The following SCRG1 variants were observed in gnomAD, a reference collection of about 807,000 sequenced individuals.
SCRG1 encodes scrapie-responsive protein 1.
Under a neutral mutation model 7.7 loss-of-function variants are expected in SCRG1, and 3 were observed. That is an observed-to-expected ratio of 0.39 (90% CI 0.18 to 1.01). SCRG1 has a LOEUF of 1.01. Ranked by LOEUF, SCRG1 falls within the 50% of genes least tolerant of loss-of-function variation. The pLI, the probability that SCRG1 is intolerant of heterozygous loss-of-function variation, is 0.36. For missense variants in SCRG1, 110 were observed against 117.2 expected (o/e 0.94, Z 0.28); for synonymous variants, 46 against 41.2 (o/e 1.12, Z -0.44).
rs1194796482 is a variant in SCRG1 at position 173,387,657 on chromosome 4, T to A, written c.*684A>T. 1 of 151,352 alleles carries A rather than the reference T, an allele frequency of 6.6e-6. No individual in the cohort carries two copies. The highest frequency in any genetic ancestry group is 1.5e-5 in the Non-Finnish European group (1 of 67,914). 9.4% of individuals were successfully genotyped at this position (151,352 alleles called of 1,614,324 possible). ...CACCAGTCCCAGCCTGAAATGTACTTAAAGTTATTAGCATACATAATATAC... is the reference window on the plus strand; with the variant it reads ...CACCAGTCCCAGCCTGAAATGTACTAAAAGTTATTAGCATACATAATATAC... On this transcript the variant is annotated 3_prime_UTR_variant, in exon 3 of 3. Transcript: ENST00000296506.
chr4:173,497,506 C>T, the SCRG1 span, among the ~76,000 whole-genome samples: 1 of 151,948 alleles, frequency 6.6e-6, no homozygotes, highest in African/African-American at 2.4e-5. Flanking sequence ...CTTTGGATTC[C>T]AGCCAGACAG....
At chr4:173,434,171 G>A in the SCRG1 span, among the ~76,000 whole-genome samples, 118 of 152,286 alleles carry the variant, frequency 7.7e-4, no homozygotes, top group Non-Finnish European at 1.1e-3. Context: ...GAGAAGCCTT[G>A]AATTCTTTCC....
At chr4:173,464,458 T>C in the SCRG1 span, among the ~76,000 whole-genome samples, 5 of 152,308 alleles carry the variant, frequency 3.3e-5, no homozygotes, top group Admixed American at 1.3e-4. Flanking sequence ...AACATTGTGG[T>C]TGTAAAGAAA....
chr4:173,508,879 T>C, the SCRG1 span, among the ~76,000 whole-genome samples: 1 of 152,164 alleles, frequency 6.6e-6, no homozygotes, highest in Admixed American at 6.5e-5. The surrounding 1 kb of genome is among the most constrained non-coding windows in gnomAD (Gnocchi z 4.4). Context: ...GCTACATTTG[T>C]TGGGCGGCTT....
chr4:173,397,208 T>C (rs921606936), intron 1 of SCRG1, among the ~76,000 whole-genome samples: 1 of 152,240 alleles, frequency 6.6e-6, no homozygotes, highest in African/African-American at 2.4e-5. Context: ...CTGGGATACA[T>C]TGGTTGTTGT....
the SCRG1 span, among the ~76,000 whole-genome samples, chr4:173,416,575 A>C: frequency 6.6e-6 from 1 of 152,212 alleles, no homozygotes; most frequent in Non-Finnish European, 1.5e-5. Context: ...CTATGATTGC[A>C]TCACTGCACT....
chr4:173,461,624 A>G, the SCRG1 span, among the ~76,000 whole-genome samples: 2 of 152,208 alleles, frequency 1.3e-5, no homozygotes, highest in Non-Finnish European at 2.9e-5. Context: ...TAAAGACTAC[A>G]ATAAATACCT....
chr4:173,483,886 AAT>A, the SCRG1 span, among the ~76,000 whole-genome samples: 3 of 99,524 alleles, frequency 3.0e-5, no homozygotes, highest in Non-Finnish European at 5.3e-5. Context: ...TATTTCATAT[AAT>A]ATATGTTATA....
In SCRG1 at chr4:173,386,321, T is replaced by TTTC. The variant is rs1739246882; in HGVS notation, c.*2019_*2020insGAA. ...AGCTAATTTTTTTTTTTTTTTTTTT[T>TTTC]GTATTTTTAGTAGAGACGAGGTTTC... On this transcript the variant is annotated 3_prime_UTR_variant, in exon 3 of 3. Transcript: ENST00000296506. 1 of 96,882 alleles carries TTTC rather than the reference T, an allele frequency of 1.0e-5. No homozygotes were observed. Among genetic ancestry groups the TTTC allele is most frequent in the African/African-American group, 3.4e-5 (1 of 29,630 alleles). The allele number at this position is 96,882 out of a possible 1,614,324, so 6.0% of individuals were successfully genotyped here.
At chr4:173,507,608 AG>A in the SCRG1 span, among the ~76,000 whole-genome samples, 1 of 152,076 alleles carries the variant, frequency 6.6e-6, no homozygotes, top group African/African-American at 2.4e-5. This position sits in a 1 kb window ranked among gnomAD's most constrained non-coding sequence, Gnocchi z 4.4. Context: ...CCTGCTTGAA[AG>A]GGGGTGTTAA....
chr4:173,427,584 C>A, the SCRG1 span, among the ~76,000 whole-genome samples: 4 of 152,176 alleles, frequency 2.6e-5, no homozygotes, highest in African/African-American at 9.7e-5. Flanking sequence ...GAAGAGGCAC[C>A]TTTTGCTGGT....
chr4:173,450,313 G>A, the SCRG1 span, among the ~76,000 whole-genome samples: 1 of 152,142 alleles, frequency 6.6e-6, no homozygotes, highest in African/African-American at 2.4e-5. Flanking sequence ...AATTCCAGAT[G>A]AGATTTGGGT....
chr4:173,475,558 G>A, the SCRG1 span, among the ~76,000 whole-genome samples: 1 of 152,176 alleles, frequency 6.6e-6, no homozygotes, highest in Non-Finnish European at 1.5e-5. Flanking sequence ...ATTACCATAT[G>A]ATCCAGCAAT....
the SCRG1 span, among the ~76,000 whole-genome samples, chr4:173,461,564 A>G: frequency 6.6e-6 from 1 of 152,232 alleles, no homozygotes; most frequent in Non-Finnish European, 1.5e-5. Flanking sequence ...GTCCTTTCAA[A>G]TATCTGGAAA....
chr4:173,482,847 C>A, the SCRG1 span, among the ~76,000 whole-genome samples: 9 of 142,898 alleles, frequency 6.3e-5, no homozygotes, highest in African/African-American at 2.3e-4. Context: ...CACATACACA[C>A]ACTATATTAT....
At chr4:173,458,037 T>C in the SCRG1 span, among the ~76,000 whole-genome samples, 2 of 152,214 alleles carry the variant, frequency 1.3e-5, no homozygotes, top group Non-Finnish European at 2.9e-5. Flanking sequence ...GACAGGGCTT[T>C]GGTGGGCTAT....
At chr4:173,446,830 T>G in the SCRG1 span, 2 of 152,236 alleles carry the variant, frequency 1.3e-5, no homozygotes, top group Non-Finnish European at 2.9e-5. Flanking sequence ...TGTTATGAGC[T>G]TAACAAGCCT....
the SCRG1 span, among the ~76,000 whole-genome samples, chr4:173,463,317 A>G: frequency 6.6e-6 from 1 of 152,094 alleles, no homozygotes. Context: ...TCTGTTGCCC[A>G]GGCTGGAGTG....
At chr4:173,445,692 G>A in the SCRG1 span, among the ~76,000 whole-genome samples, 1 of 148,698 alleles carries the variant, frequency 6.7e-6, no homozygotes, top group Non-Finnish European at 1.5e-5. Context: ...TTGAGATGGA[G>A]TCTTGCTCTG....
Sources: gnomAD v4.1 joint callset for allele counts (sites outside exome capture counted in the v4.1 genomes callset) on GRCh38, gnomAD v4.1.1 for gene constraint, Gnocchi (gnomAD v3.1) non-coding constraint, MANE v1.5 for transcripts, NCBI Gene and HGNC (gene_info 2026-07-23, HGNC 2026-07-21) for gene names.